The following AP2B1 variants were observed in gnomAD, a reference collection of about 807,000 sequenced individuals.
The protein encoded by AP2B1 is adaptor related protein complex 2 subunit beta 1, also known as AP-2 complex subunit beta.
Under a neutral mutation model 102.0 loss-of-function variants are expected in AP2B1, and 23 were observed. The observed-to-expected ratio is 0.23, with a 90% CI of 0.16 to 0.32. AP2B1 has a LOEUF of 0.32. AP2B1 is among the 10% of genes least tolerant of loss of function. The pLI is 1.00. For synonymous variants in AP2B1, 381 were observed against 421.2 expected (o/e 0.90, Z 1.17); for missense variants, 541 against 1,157.4 (o/e 0.47, Z 7.73).
chr17:35,665,126 CTT>C (rs10635426), intron 14 of AP2B1, among the ~76,000 whole-genome samples: 13 of 116,290 alleles, frequency 1.1e-4, no homozygotes, highest in Admixed American at 1.9e-4. Context: ...TTTGGAATAG[CTT>C]TTTTTTTTTT....
At chr17:35,686,517 A>T (rs1222643550) in intron 18 of AP2B1, among the ~76,000 whole-genome samples, 1 of 152,156 alleles carries the variant, frequency 6.6e-6, no homozygotes, top group South Asian at 2.1e-4. Context: ...GGTAATGCTC[A>T]TGGTCTTTAT....
intron 12 of AP2B1, 75 bp downstream of exon 12, chr17:35,642,050 G>T: frequency 1.8e-6 from 2 of 1,123,286 alleles, no homozygotes; most frequent in South Asian, 1.4e-5. Context: ...CTCTTCCTAG[G>T]GGATTCATTT....
chr17:35,685,353 C>G (rs1377262158), intron 18 of AP2B1, among the ~76,000 whole-genome samples: 1 of 152,182 alleles, frequency 6.6e-6, no homozygotes, highest in African/African-American at 2.4e-5. Flanking sequence ...CCATTCTGCC[C>G]TTTTCCCCGT....
At chr17:35,630,998 G>A (rs1472861171) in intron 9 of AP2B1, among the ~76,000 whole-genome samples, 1 of 152,180 alleles carries the variant, frequency 6.6e-6, no homozygotes, top group Non-Finnish European at 1.5e-5. Flanking sequence ...ACTCATCCAT[G>A]GGACAGGAAT....
chr17:35,690,094 T>C (rs2076011633), intron 18 of AP2B1, among the ~76,000 whole-genome samples: 1 of 152,214 alleles, frequency 6.6e-6, no homozygotes, highest in African/African-American at 2.4e-5. Flanking sequence ...CTACTGGATA[T>C]CATCCCTCAG....
intron 11 of AP2B1, among the ~76,000 whole-genome samples, chr17:35,640,711 A>T (rs377658911): frequency 4.6e-5 from 7 of 152,330 alleles, no homozygotes; most frequent in Non-Finnish European, 5.9e-5. Flanking sequence ...TGCATGTCTT[A>T]CAAGGTTCAG....
intron 5 of AP2B1, among the ~76,000 whole-genome samples, chr17:35,610,262 C>T (rs1468127467): frequency 6.6e-6 from 1 of 152,042 alleles, no homozygotes; most frequent in Non-Finnish European, 1.5e-5. Context: ...CTCCTCCTGC[C>T]TCAGCCTCCT....
In AP2B1 at chr17:35,650,688, C is replaced by T; in HGVS notation, c.1695C>T (p.Cys565=). The T allele has an allele frequency of 6.2e-7, 1 of 1,614,176 alleles. No individual in the cohort carries two copies. The highest frequency in any genetic ancestry group is 8.5e-7 in the Non-Finnish European group (1 of 1,180,024). The change falls in exon 13 of 22, where the codon TGC becomes TGT. Residue 565 remains cysteine, a synonymous_variant. Transcript: ENST00000610402. ...IEPTLLDELI[C]HIGSLASVYH... ...CAACTCTGCTGGATGAGCTAATCTG[C>T]CACATTGGTTCTTTGGCCTCTGTGT...
chr17:35,622,119 T>C lies in AP2B1; in HGVS notation c.526-2278T>C, dbSNP rs574674067. Among the ~76,000 whole-genome samples the C allele has an allele frequency of 3.9e-5, 6 of 152,320 alleles. No individual in the cohort carries two copies. The East Asian group carries it at 1.2e-3, about 29-fold the overall frequency. ...TCTTTATGGCTTTTCTCATGCTTGA[T>C]GATAGAGTTAGCAAACAAAAATTAA... On this transcript the variant is annotated intron_variant, in intron 5 of 21. Coordinates refer to ENST00000610402, the MANE Select transcript of AP2B1 (RefSeq NM_001030006.2).
At chr17:35,591,153 C>T (rs1468345439) in intron 1 of AP2B1, among the ~76,000 whole-genome samples, 1 of 137,828 alleles carries the variant, frequency 7.3e-6, no homozygotes, top group Non-Finnish European at 1.5e-5. Context: ...GAGCCTGGGC[C>T]ACAGTGAGAT....
intron 12 of AP2B1, among the ~76,000 whole-genome samples, chr17:35,645,623 G>C (rs2074910740): frequency 6.6e-6 from 1 of 152,214 alleles, no homozygotes; most frequent in African/African-American, 2.4e-5. Flanking sequence ...GCCGAGGCAG[G>C]TAGATCATCT....
intron 20 of AP2B1, among the ~76,000 whole-genome samples, chr17:35,712,523 G>T (rs1555588058): frequency 6.6e-6 from 1 of 152,138 alleles, no homozygotes; most frequent in African/African-American, 2.4e-5. Flanking sequence ...AGCTACTCGG[G>T]AGGCTGAGGC....
At chr17:35,626,940 A>G (rs1408875780) in intron 7 of AP2B1, 98 bp downstream of exon 7, 1 of 1,186,164 alleles carries the variant, frequency 8.4e-7, no homozygotes, top group Non-Finnish European at 1.2e-6. Context: ...TCTTTTTAAT[A>G]TATGGAAATG....
chr17:35,633,780 A>G (rs1333827893), intron 9 of AP2B1, among the ~76,000 whole-genome samples: 1 of 152,224 alleles, frequency 6.6e-6, no homozygotes, highest in East Asian at 1.9e-4. Flanking sequence ...AATTTTATTG[A>G]ATATTCAGTA....
chr17:35,718,094 G>A (rs1473638797), intron 21 of AP2B1, among the ~76,000 whole-genome samples: 6 of 152,068 alleles, frequency 3.9e-5, no homozygotes, highest in African/African-American at 1.4e-4. Flanking sequence ...TATGTTTGAG[G>A]GTTTTATGGG....
At chr17:35,698,655 A>T (rs1329047327) in intron 18 of AP2B1, among the ~76,000 whole-genome samples, 1 of 152,126 alleles carries the variant, frequency 6.6e-6, no homozygotes, top group Non-Finnish European at 1.5e-5. Flanking sequence ...TGGGTGGGCT[A>T]CTTTTTCTAT....
intron 14 of AP2B1, among the ~76,000 whole-genome samples, chr17:35,667,329 T>C (rs2075489633): frequency 6.6e-6 from 1 of 152,246 alleles, no homozygotes; most frequent in Admixed American, 6.5e-5. Flanking sequence ...AAATTGTCCT[T>C]TCCCTTTGCT....
intron 12 of AP2B1, 128 bp downstream of exon 12, chr17:35,642,103 T>G: frequency 1.7e-6 from 1 of 597,626 alleles, no homozygotes; most frequent in South Asian, 2.5e-5. Flanking sequence ...TAGATCCTGT[T>G]AAAATATTAA....
intron 6 of AP2B1, among the ~76,000 whole-genome samples, chr17:35,626,405 A>G (rs2074317104): frequency 6.6e-6 from 1 of 151,972 alleles, no homozygotes; most frequent in Non-Finnish European, 1.5e-5. Flanking sequence ...TGGTTTCCTG[A>G]AGTCTTCTTA....
Sources: allele counts gnomAD v4.1 joint callset (sites outside exome capture counted in the v4.1 genomes callset), GRCh38; gene constraint gnomAD v4.1.1; transcripts MANE v1.5; gene names NCBI Gene and HGNC (gene_info 2026-07-23, HGNC 2026-07-21).